ADAMTS17: variants seen among roughly 807,000 people sequenced by gnomAD.
ADAMTS17 encodes the protein ADAM metallopeptidase with thrombospondin type 1 motif 17, also known as A disintegrin and metalloproteinase with thrombospondin motifs 17.
ADAMTS17 carries 113 observed loss-of-function variants against 141.5 expected under a neutral mutation model. The ratio of observed to expected loss-of-function variants is 0.80; its 90% CI spans 0.69 to 0.93. ADAMTS17 has a LOEUF of 0.93. Among genes scored for constraint, ADAMTS17 ranks in the 40% least tolerant of loss-of-function variants. ADAMTS17 has a pLI of 0.00. For missense variants in ADAMTS17, 1,659 were observed against 1,517.9 expected, an observed-to-expected ratio of 1.09 and a Z score of -1.54; for synonymous variants, 768 against 630.6, an observed-to-expected ratio of 1.22 and a Z score of -3.27.
intron 20 of ADAMTS17, among the ~76,000 whole-genome samples, chr15:99,982,084 G>C (rs2060492158): frequency 6.6e-6 from 1 of 152,144 alleles, no homozygotes; most frequent in Admixed American, 6.5e-5. Flanking sequence ...GCAGCATGAG[G>C]ATAACAAACT....
At chr15:100,106,792 T>C (rs1353577953) in intron 14 of ADAMTS17, among the ~76,000 whole-genome samples, 1 of 152,212 alleles carries the variant, frequency 6.6e-6, no homozygotes, top group Non-Finnish European at 1.5e-5. Context: ...AGCCCTGCAC[T>C]TGGCTGGTTA....
intron 18 of ADAMTS17, among the ~76,000 whole-genome samples, chr15:100,030,324 T>C (rs60609802): frequency 0.1 from 15,867 of 152,230 alleles, 2,180 homozygotes; most frequent in African/African-American, 0.32. Context: ...AAGGAATTCC[T>C]TTTGGAAATT....
At chr15:100,256,307 G>C (rs925544981) in intron 6 of ADAMTS17, 2 of 152,252 alleles carry the variant, frequency 1.3e-5, no homozygotes, top group African/African-American at 2.4e-5. Context: ...GTGGGTGTCT[G>C]ACCCATGCCC....
rs1596370821 is a variant in ADAMTS17 at position 100,081,627 on chromosome 15, C to T, written c.2137+14729G>A. Among the ~76,000 whole-genome samples the T allele has an allele frequency of 2.6e-5, 4 of 152,188 alleles. No homozygotes were observed. The South Asian group carries it at 8.3e-4, about 31-fold the overall frequency. ...ACCAGGTCAGCTACTGTGAGAATCACTGAGACAAACACAGGTGCTGCTTAG... is the reference window on the plus strand; with the variant it reads ...ACCAGGTCAGCTACTGTGAGAATCATTGAGACAAACACAGGTGCTGCTTAG... On this transcript the variant is annotated intron_variant, in intron 15 of 21. Coordinates refer to ENST00000268070, the MANE Select transcript of ADAMTS17 (RefSeq NM_139057.4).
intron 16 of ADAMTS17, among the ~76,000 whole-genome samples, chr15:100,052,691 G>A (rs1176405858): frequency 6.6e-6 from 1 of 152,214 alleles, no homozygotes; most frequent in East Asian, 1.9e-4. Flanking sequence ...ACTCAGAATA[G>A]GAGGATTTGT....
chr15:100,193,398 G>T (rs1596240367), intron 8 of ADAMTS17, among the ~76,000 whole-genome samples: 1 of 152,186 alleles, frequency 6.6e-6, no homozygotes, highest in South Asian at 2.1e-4. Context: ...TGAAGTGGGT[G>T]GGTTATTTTC....
intron 6 of ADAMTS17, among the ~76,000 whole-genome samples, chr15:100,257,941 C>G (rs1244512896): frequency 6.6e-6 from 1 of 152,206 alleles, no homozygotes. Context: ...CCTCTGACAA[C>G]CACCATTCTT....
chr15:100,150,254 T>C (rs147657316), intron 10 of ADAMTS17, among the ~76,000 whole-genome samples: 1,965 of 152,274 alleles, frequency 0.013, 12 homozygotes, highest in Middle Eastern at 0.024. Flanking sequence ...GCCCTCTAAC[T>C]GAATTCCTCT....
intron 18 of ADAMTS17, among the ~76,000 whole-genome samples, chr15:100,039,196 A>G (rs528842895): frequency 2.8e-4 from 43 of 152,116 alleles, no homozygotes; most frequent in African/African-American, 9.9e-4. Flanking sequence ...CCTATAGTTA[A>G]CTTTTGGTTT....
intron 9 of ADAMTS17, among the ~76,000 whole-genome samples, chr15:100,154,960 CGTAAT>C (rs1202958804): frequency 2.9e-4 from 44 of 152,204 alleles, no homozygotes; most frequent in Non-Finnish European, 2.9e-4. Context: ...TCGGCAATTA[CGTAAT>C]GATCACCCAC....
chr15:100,320,342 T>G (rs6598327), intron 3 of ADAMTS17, among the ~76,000 whole-genome samples: 1 of 151,912 alleles, frequency 6.6e-6, no homozygotes, highest in African/African-American at 2.4e-5. Context: ...AGAATAAACA[T>G]GGGAAGTCCA....
chr15:100,003,377 G>A (rs1211639592), intron 18 of ADAMTS17, among the ~76,000 whole-genome samples: 2 of 152,074 alleles, frequency 1.3e-5, no homozygotes, highest in Non-Finnish European at 2.9e-5. Context: ...GGGCTGTGGG[G>A]GCCCAGGGAG....
chr15:100,055,069 G>C (rs753755668), intron 15 of ADAMTS17, among the ~76,000 whole-genome samples: 3 of 152,106 alleles, frequency 2.0e-5, no homozygotes, highest in Non-Finnish European at 4.4e-5. Flanking sequence ...GATGACAAGA[G>C]GTGACAGTAA....
At chr15:100,255,531 T>G (rs1327629286) in intron 6 of ADAMTS17, among the ~76,000 whole-genome samples, 3 of 151,486 alleles carry the variant, frequency 2.0e-5, no homozygotes, top group Admixed American at 6.6e-5. Flanking sequence ...CAAATAAAAT[T>G]AGAGCCATGG....
chr15:100,059,635 G>C (rs1216071241), intron 15 of ADAMTS17, among the ~76,000 whole-genome samples: 2 of 152,336 alleles, frequency 1.3e-5, no homozygotes, highest in South Asian at 2.1e-4. Flanking sequence ...ATTTTTAACA[G>C]TGAATAAATA....
intron 3 of ADAMTS17, among the ~76,000 whole-genome samples, chr15:100,292,378 C>T (rs2044668551): frequency 6.7e-6 from 1 of 150,110 alleles, no homozygotes; most frequent in African/African-American, 2.5e-5. Context: ...ACGAGAGATG[C>T]TCACCCCGTG....
chr15:100,217,009 A>G (rs28576590), intron 7 of ADAMTS17, among the ~76,000 whole-genome samples: 25,221 of 152,178 alleles, frequency 0.17, 2,477 homozygotes, highest in East Asian at 0.29. Flanking sequence ...AGTTTCCTGA[A>G]GCTGAAAATG....
At chr15:100,179,256 T>A (rs1461342633) in intron 8 of ADAMTS17, among the ~76,000 whole-genome samples, 5 of 152,196 alleles carry the variant, frequency 3.3e-5, no homozygotes, top group Non-Finnish European at 5.9e-5. Flanking sequence ...CTGGTAACCA[T>A]CATTCTACTC....
intron 3 of ADAMTS17, among the ~76,000 whole-genome samples, chr15:100,302,360 T>C (rs2045070032): frequency 6.6e-6 from 1 of 152,244 alleles, no homozygotes; most frequent in Non-Finnish European, 1.5e-5. Context: ...TCAACAATGC[T>C]GCTATGGACG....
Sources: allele counts gnomAD v4.1 joint callset (sites outside exome capture counted in the v4.1 genomes callset), GRCh38; gene constraint gnomAD v4.1.1; transcripts MANE v1.5; gene names NCBI Gene and HGNC (gene_info 2026-07-23, HGNC 2026-07-21).